PLD5: variants seen among roughly 807,000 people sequenced by gnomAD.
The protein encoded by PLD5 is phospholipase D family member 5.
In PLD5, 36 loss-of-function variants were observed where a neutral mutation model predicts 61.1. The ratio of observed to expected loss-of-function variants is 0.59; its 90% confidence interval spans 0.45 to 0.78. The LOEUF (loss-of-function observed/expected upper bound fraction) is 0.78. Ranked by LOEUF, PLD5 falls within the 30% of genes least tolerant of loss-of-function variation. The pLI is 0.00. For synonymous variants in PLD5, 243 were observed against 242.8 expected (o/e 1.00, Z -0.01); for missense variants, 515 against 644.4 (o/e 0.80, Z 2.17).
At chr1:242,306,012 C>A (rs1390641935) in intron 2 of PLD5, among the ~76,000 whole-genome samples, 1 of 152,154 alleles carries the variant, frequency 6.6e-6, no homozygotes. Flanking sequence ...TGGACCCAGG[C>A]AGACTCTCAG....
intron 1 of PLD5, among the ~76,000 whole-genome samples, chr1:242,416,438 T>C (rs1050615749): frequency 2.0e-5 from 3 of 152,196 alleles, no homozygotes; most frequent in African/African-American, 7.2e-5. Flanking sequence ...GGATTCAGTA[T>C]GTTACATGAC....
chr1:242,194,036 C>A (rs10449290), intron 5 of PLD5, among the ~76,000 whole-genome samples: 74,359 of 151,960 alleles, frequency 0.49, 18,393 homozygotes, highest in South Asian at 0.64. Context: ...AGCTCCTTGA[C>A]CCATCCGCAG....
At chr1:242,487,728 A>C (rs1453483969) in intron 1 of PLD5, among the ~76,000 whole-genome samples, 1 of 152,206 alleles carries the variant, frequency 6.6e-6, no homozygotes, top group African/African-American at 2.4e-5. Flanking sequence ...TGAGCAAAAG[A>C]TCTGAACAGA....
chr1:242,348,327 C>T, intron 1 of PLD5, 85 bp from the exon 2 acceptor site: 2 of 1,416,226 alleles, frequency 1.4e-6, no homozygotes, highest in Non-Finnish European at 1.9e-6. Flanking sequence ...CTCAACATTC[C>T]ATGAAAAATG....
At chr1:242,389,926 G>T (rs981653965) in intron 1 of PLD5, among the ~76,000 whole-genome samples, 2 of 151,942 alleles carry the variant, frequency 1.3e-5, no homozygotes, top group African/African-American at 4.8e-5. Flanking sequence ...TTGGTGTTCT[G>T]CAGGAAATTC....
chr1:242,495,757 T>C (rs553589071), intron 1 of PLD5, among the ~76,000 whole-genome samples: 3 of 152,242 alleles, frequency 2.0e-5, no homozygotes, highest in African/African-American at 7.2e-5. Flanking sequence ...TCATCTAGAG[T>C]TAGGCTGCTT....
chr1:242,186,120 A>G (rs1667859592), intron 5 of PLD5, among the ~76,000 whole-genome samples: 1 of 152,156 alleles, frequency 6.6e-6, no homozygotes, highest in South Asian at 2.1e-4. Context: ...TTGCTCATAT[A>G]CTACAGGCTA....
chr1:242,315,081 C>G (rs1440385487), intron 2 of PLD5, among the ~76,000 whole-genome samples: 3 of 152,176 alleles, frequency 2.0e-5, no homozygotes, highest in Non-Finnish European at 2.9e-5. Flanking sequence ...CAGACTTGCC[C>G]CACTGCTGTG....
intron 3 of PLD5, among the ~76,000 whole-genome samples, chr1:242,268,653 T>C (rs1301210072): frequency 6.6e-6 from 1 of 152,222 alleles, no homozygotes; most frequent in Non-Finnish European, 1.5e-5. Context: ...ATCTTGGGCT[T>C]GGGTAGAGTT....
chr1:242,273,508 C>A (rs546989533), intron 3 of PLD5, among the ~76,000 whole-genome samples: 18 of 152,240 alleles, frequency 1.2e-4, no homozygotes, highest in African/African-American at 3.9e-4. Flanking sequence ...AGAATTAGTA[C>A]ACACTAATAC....
chr1:242,383,291 A>G (rs1662408078), intron 1 of PLD5, among the ~76,000 whole-genome samples: 1 of 152,178 alleles, frequency 6.6e-6, no homozygotes, highest in South Asian at 2.1e-4. Flanking sequence ...ACACGTATAC[A>G]AAGTGTAACG....
chr1:242,465,601 T>C (rs547781335), intron 1 of PLD5, among the ~76,000 whole-genome samples: 1 of 152,358 alleles, frequency 6.6e-6, no homozygotes, highest in East Asian at 1.9e-4. Context: ...TTCCCTCCAG[T>C]GCAGCCACAC....
At chr1:242,446,794 G>A (rs1666560394) in intron 1 of PLD5, among the ~76,000 whole-genome samples, 1 of 152,178 alleles carries the variant, frequency 6.6e-6, no homozygotes, top group South Asian at 2.1e-4. Flanking sequence ...GAAATTTCGA[G>A]GCTGGGGCAC....
chr1:242,288,969 GTGGGGCATACAT>G (rs1253114661), intron 2 of PLD5, among the ~76,000 whole-genome samples: 1 of 152,054 alleles, frequency 6.6e-6, no homozygotes, highest in Admixed American at 6.6e-5. Flanking sequence ...CTAAAACAAT[GTGGGGCATACAT>G]TGGAACTCAA....
At chr1:242,431,334 G>A (rs1572137439) in intron 1 of PLD5, among the ~76,000 whole-genome samples, 1 of 152,312 alleles carries the variant, frequency 6.6e-6, no homozygotes, top group South Asian at 2.1e-4. Context: ...TAAGGTGCTT[G>A]GTCAACATGA....
At chr1:242,147,724 T>C (rs2148808792) in intron 5 of PLD5, among the ~76,000 whole-genome samples, 1 of 152,362 alleles carries the variant, frequency 6.6e-6, no homozygotes, top group Non-Finnish European at 1.5e-5. Context: ...CTAATAGCTG[T>C]GCATTGGTGC....
At chr1:242,421,907 G>T (rs1050310499) in intron 1 of PLD5, among the ~76,000 whole-genome samples, 2 of 152,186 alleles carry the variant, frequency 1.3e-5, no homozygotes, top group African/African-American at 4.8e-5. Context: ...AACAGTATGT[G>T]TCCAGAGGAT....
In PLD5 at chr1:242,090,242, GT is replaced by G. The variant is rs1659714606; in HGVS notation, c.1355-133del. On this transcript the variant is annotated intron_variant, in intron 9 of 9. Coordinates refer to ENST00000536534, the MANE Select transcript of PLD5 (RefSeq NM_001372062.1). ...AATAACAACGGAGAGGCTGAATTGT[GT>G]TGACAGCTCCGAAAAAAAAATCCAA... is the stretch of plus-strand genomic sequence containing the variant. 5.0e-6 allele frequency: 6 copies of G among 1,189,556 alleles called. No individual in the cohort carries two copies. The South Asian group carries it at 9.6e-5, about 19-fold the overall frequency. The allele number at this position is 1,189,556 out of a possible 1,614,324, so 73.7% of individuals were successfully genotyped here.
At chr1:242,151,744 TCA>T (rs1664942268) in intron 5 of PLD5, among the ~76,000 whole-genome samples, 1 of 152,132 alleles carries the variant, frequency 6.6e-6, no homozygotes, top group African/African-American at 2.4e-5. Flanking sequence ...ACATTTCTTC[TCA>T]GTTACATAAA....
Sources: allele counts gnomAD v4.1 joint callset (sites outside exome capture counted in the v4.1 genomes callset), GRCh38; gene constraint gnomAD v4.1.1; transcripts MANE v1.5; gene names NCBI Gene and HGNC (gene_info 2026-07-23, HGNC 2026-07-21).